Variants in ADSS2 observed in about 807,000 individuals in gnomAD.
ADSS2 encodes adenylosuccinate synthase 2, also known as adenylosuccinate synthetase isozyme 2.
In ADSS2, 30 loss-of-function variants were observed where a neutral mutation model predicts 60.0. That is an observed-to-expected ratio of 0.50 (90% CI 0.37 to 0.68). The LOEUF (loss-of-function observed/expected upper bound fraction) is 0.68, where lower values mean the gene tolerates loss of function less well. Among genes scored for constraint, ADSS2 ranks in the 30% least tolerant of loss-of-function variants. The pLI is 0.00. For missense variants in ADSS2, 373 were observed against 554.8 expected, an observed-to-expected ratio of 0.67 and a Z score of 3.29; for synonymous variants, 187 against 193.1, an observed-to-expected ratio of 0.97 and a Z score of 0.26.
Position 244,422,840 on chromosome 1 carries a change from G to A in ADSS2, c.658C>T (p.Leu220Phe). The A allele has an allele frequency of 6.3e-7, 1 of 1,587,824 alleles. No homozygotes were observed. Among genetic ancestry groups the A allele is most frequent in the Middle Eastern group, 1.7e-4 (1 of 6,004 alleles). ...AAGATGCCAGAAAGCATTACCTTGA[G>A]TTTTTGTAATTCACCTTCAATGTCT... ...EIDIEGELQK[L>F]KGYMEKIKPM... is the part of the protein sequence containing the mutation. The change falls in exon 7 of 13, where the codon CTC (leucine) becomes TTC (phenylalanine). Residue 220 changes from leucine to phenylalanine, a missense_variant. This residue lies in a region of ADSS2 where 139 missense variants were observed against 189.4 expected (regional missense o/e 0.73). Coordinates refer to ENST00000366535, the MANE Select transcript of ADSS2 (RefSeq NM_001126.5).
intron 4 of ADSS2, among the ~76,000 whole-genome samples, chr1:244,430,883 C>T (rs1357939214): frequency 2.0e-5 from 3 of 152,062 alleles, no homozygotes; most frequent in Admixed American, 6.6e-5. Flanking sequence ...GCACTTTGGG[C>T]GGCCAAGGTA....
chr1:244,444,253 C>A (rs1469364600), intron 1 of ADSS2, among the ~76,000 whole-genome samples: 1 of 151,858 alleles, frequency 6.6e-6, no homozygotes, highest in African/African-American at 2.4e-5. Flanking sequence ...CGGTGGCTCA[C>A]GCCTGTAATC....
At position 244,432,890 on chromosome 1, in the gene ADSS2, G is replaced by T. The variant is rs147018830; in HGVS notation, c.356-295C>A. On this transcript the variant is annotated intron_variant, in intron 3 of 12. Transcript: ENST00000366535. Reference sequence around the variant, plus strand: ...TCACCGTGTTAGCCAGGATGGTCTCGATCTCCTGACCTTGTGATCCACCCA... The same window carrying T: ...TCACCGTGTTAGCCAGGATGGTCTCTATCTCCTGACCTTGTGATCCACCCA... 2.7e-4 allele frequency among the ~76,000 whole-genome samples: 41 copies of T among 151,662 alleles called. No homozygotes were observed. In the East Asian group the frequency reaches 7.0e-3, roughly 26 times the overall value.
chr1:244,411,464 T>C, intron 11 of ADSS2, 28 bp from the exon 12 acceptor site: 3 of 1,594,242 alleles, frequency 1.9e-6, no homozygotes, highest in Non-Finnish European at 2.6e-6. Flanking sequence ...CATTTATTCA[T>C]GGCACACACT....
chr1:244,442,729 G>A (rs1364044880), intron 1 of ADSS2, among the ~76,000 whole-genome samples: 6 of 152,138 alleles, frequency 3.9e-5, no homozygotes, highest in African/African-American at 1.4e-4. Flanking sequence ...ATCTATATAG[G>A]AAGCAAGTTT....
At chr1:244,439,030 A>C (rs1377437780) in intron 1 of ADSS2, among the ~76,000 whole-genome samples, 1 of 151,956 alleles carries the variant, frequency 6.6e-6, no homozygotes, top group Non-Finnish European at 1.5e-5. Context: ...TCCCCACCCC[A>C]TACCCCACTC....
intron 4 of ADSS2, among the ~76,000 whole-genome samples, chr1:244,430,410 AT>A (rs1664912901): frequency 6.6e-6 from 1 of 152,224 alleles, no homozygotes; most frequent in South Asian, 2.1e-4. Flanking sequence ...GGCTGATATC[AT>A]CAGCGTATAT....
chr1:244,416,900 G>A (rs1256820583), intron 10 of ADSS2, among the ~76,000 whole-genome samples: 1 of 152,046 alleles, frequency 6.6e-6, no homozygotes, highest in East Asian at 1.9e-4. Flanking sequence ...CTGGAAAACA[G>A]GTTTTAAAGA....
intron 11 of ADSS2, 139 bp downstream of exon 11, chr1:244,415,842 A>C: frequency 1.6e-6 from 1 of 620,656 alleles, no homozygotes; most frequent in Non-Finnish European, 2.8e-6. Context: ...ACTAATAATA[A>C]GTGAGCAAAT....
At chr1:244,413,231 T>C (rs926552812) in intron 11 of ADSS2, among the ~76,000 whole-genome samples, 1 of 152,184 alleles carries the variant, frequency 6.6e-6, no homozygotes, top group South Asian at 2.1e-4. Context: ...GATGAAAACA[T>C]ACTGCTAGGA....
intron 1 of ADSS2, among the ~76,000 whole-genome samples, chr1:244,443,050 A>AT (rs1665287509): frequency 6.6e-6 from 1 of 152,302 alleles, no homozygotes; most frequent in Admixed American, 6.5e-5. Context: ...ACTCTGTGTA[A>AT]TATGTGCCAG....
intron 8 of ADSS2, among the ~76,000 whole-genome samples, chr1:244,419,817 C>T (rs552455237): frequency 1.5e-4 from 23 of 152,250 alleles, no homozygotes; most frequent in South Asian, 6.2e-4. Context: ...ATAATGTACA[C>T]ATTTTTAAAA....
chr1:244,432,129 A>G (rs1664959889), intron 4 of ADSS2, among the ~76,000 whole-genome samples: 2 of 152,230 alleles, frequency 1.3e-5, no homozygotes, highest in African/African-American at 4.8e-5. Context: ...AATTTAGGTT[A>G]GTCTGAATAA....
At chr1:244,411,473 C>A in intron 11 of ADSS2, 37 bp from the exon 12 acceptor site, 1 of 1,574,526 alleles carries the variant, frequency 6.4e-7, no homozygotes, top group Non-Finnish European at 8.6e-7. Context: ...ATGGCACACA[C>A]TGTTTACTGT....
intron 11 of ADSS2, among the ~76,000 whole-genome samples, chr1:244,412,065 G>A (rs1273808996): frequency 1.1e-4 from 17 of 152,098 alleles, no homozygotes; most frequent in Non-Finnish European, 2.5e-4. Context: ...TGCAGCACTC[G>A]TCCTCCACCA....
intron 1 of ADSS2, among the ~76,000 whole-genome samples, chr1:244,448,563 G>A (rs976406921): frequency 3.3e-5 from 5 of 152,146 alleles, no homozygotes; most frequent in African/African-American, 4.8e-5. Context: ...CAAGACCACC[G>A]AAGTTACTTT....
chr1:244,451,907 G>C lies in ADSS2; in HGVS notation c.-90C>G, dbSNP rs540116614. 6 of 1,320,216 alleles carry C rather than the reference G, an allele frequency of 4.5e-6. No individual in the cohort carries two copies. Among genetic ancestry groups the C allele is most frequent in the Non-Finnish European group, 6.0e-6 (6 of 1,005,232 alleles). The allele number at this position is 1,320,216 out of a possible 1,614,324, so 81.8% of individuals were successfully genotyped here. ...GCTCTGCGGCCGCCAGCCACATGCA[G>C]AGGAAGAAGGAGCCAGAGGCCGGCC... On this transcript the variant is annotated 5_prime_UTR_variant, in exon 1 of 13. Coordinates refer to ENST00000366535, the MANE Select transcript of ADSS2 (RefSeq NM_001126.5). The surrounding 1 kb of genome is among the most constrained non-coding windows in gnomAD (Gnocchi z 6.6).
chr1:244,448,907 A>G (rs565294244), intron 1 of ADSS2, among the ~76,000 whole-genome samples: 9 of 152,282 alleles, frequency 5.9e-5, no homozygotes, highest in African/African-American at 2.2e-4. Context: ...TTTGACTCCC[A>G]GGCTAAGTGA....
At chr1:244,415,599 C>G (rs1317481858) in intron 11 of ADSS2, among the ~76,000 whole-genome samples, 1 of 152,168 alleles carries the variant, frequency 6.6e-6, no homozygotes, top group African/African-American at 2.4e-5. Flanking sequence ...GGCTAATGTA[C>G]TGAGAGCCAG....
Sources: allele counts gnomAD v4.1 joint callset (sites outside exome capture counted in the v4.1 genomes callset), GRCh38; gene constraint gnomAD v4.1.1; regional missense constraint gnomAD v4.1.1; non-coding constraint Gnocchi (gnomAD v3.1); transcripts MANE v1.5; gene names NCBI Gene and HGNC (gene_info 2026-07-23, HGNC 2026-07-21).